MEIKIN: variants seen among roughly 807,000 people sequenced by gnomAD.
The protein encoded by MEIKIN is meiosis-specific kinetochore protein.
chr5:131,938,742 A>G (rs1295632921), intron 4 of MEIKIN, among the ~76,000 whole-genome samples: 2 of 152,196 alleles, frequency 1.3e-5, no homozygotes. Context: ...ATATTAATGA[A>G]ACTGTGGCTT....
chr5:131,894,312 T>C (rs890403345), intron 8 of MEIKIN, among the ~76,000 whole-genome samples: 30 of 152,346 alleles, frequency 2.0e-4, no homozygotes, highest in Non-Finnish European at 4.1e-4. Context: ...CCTTGTAGTA[T>C]AGTTTGAAGT....
intron 11 of MEIKIN, among the ~76,000 whole-genome samples, chr5:131,830,903 G>GT (rs1316525412): frequency 0.032 from 4,581 of 143,760 alleles, 182 homozygotes; most frequent in African/African-American, 0.097. Context: ...GAGGACTTTG[G>GT]TTTTTTTTTT....
At chr5:131,860,727 G>T (rs532185440) in intron 9 of MEIKIN, among the ~76,000 whole-genome samples, 1 of 140,302 alleles carries the variant, frequency 7.1e-6, no homozygotes, top group Non-Finnish European at 1.5e-5. Context: ...GATTACAGGC[G>T]TGAGCCACCA....
chr5:131,927,013 A>G (rs1751598363), intron 5 of MEIKIN, among the ~76,000 whole-genome samples: 1 of 151,828 alleles, frequency 6.6e-6, no homozygotes, highest in Non-Finnish European at 1.5e-5. Flanking sequence ...TTTCTGCTCT[A>G]AATTTTATTT....
intron 8 of MEIKIN, among the ~76,000 whole-genome samples, chr5:131,890,574 A>AT (rs1393334293): frequency 1.3e-5 from 2 of 152,056 alleles, no homozygotes; most frequent in Non-Finnish European, 2.9e-5. Context: ...CTCCTTTGTC[A>AT]TTTTTTATTG....
chr5:131,877,919 T>A (rs1400403548), intron 9 of MEIKIN, among the ~76,000 whole-genome samples: 1 of 152,240 alleles, frequency 6.6e-6, no homozygotes, highest in Non-Finnish European at 1.5e-5. Flanking sequence ...GATGAAATCG[T>A]GTGCCATCCC....
chr5:131,944,764 A>G lies in MEIKIN; in HGVS notation c.201-12T>C. The G allele has an allele frequency of 2.5e-6, 1 of 399,058 alleles. No homozygotes were observed. The highest frequency in any genetic ancestry group is 4.4e-6 in the Non-Finnish European group (1 of 226,074). The allele number at this position is 399,058 out of a possible 1,614,324, so 24.7% of individuals were successfully genotyped here. A position where few individuals can be genotyped will look rare whatever the true frequency, so the allele number is the denominator to read the frequency against. ...CTCCTAAGCGAGGGCTAACAAAGAG[A>G]CAACGCAATTAGTTTGCACCATCTG... On this transcript the variant is annotated splice_polypyrimidine_tract_variant and intron_variant, in intron 2 of 12. Transcript: ENST00000442687.
intron 12 of MEIKIN, among the ~76,000 whole-genome samples, 175 bp downstream of exon 12, chr5:131,818,565 C>CATG (rs1441798908): frequency 6.6e-6 from 1 of 152,158 alleles, no homozygotes; most frequent in African/African-American, 2.4e-5. Context: ...GGATTATAGG[C>CATG]ATGAGCCACT....
At chr5:131,811,612 CTTCT>C (rs781375703) in intron 12 of MEIKIN, among the ~76,000 whole-genome samples, 634 of 13,760 alleles carry the variant, frequency 0.046, 2 homozygotes, top group South Asian at 0.15. Context: ...TAGCCAACTT[CTTCT>C]TTTTTTTTTT....
chr5:131,823,604 T>C (rs1749559795), intron 11 of MEIKIN, among the ~76,000 whole-genome samples: 1 of 152,130 alleles, frequency 6.6e-6, no homozygotes. Context: ...TATGTTATCT[T>C]GAATTTCATT....
intron 8 of MEIKIN, among the ~76,000 whole-genome samples, chr5:131,884,492 T>C (rs1387276204): frequency 6.6e-6 from 1 of 151,960 alleles, no homozygotes; most frequent in Non-Finnish European, 1.5e-5. Context: ...TTTCATCACC[T>C]GCTGATTAAA....
rs571690989 is a variant in MEIKIN, at chr5:131,833,758, T to C, written c.976-14895A>G. Among the ~76,000 whole-genome samples the C allele has an allele frequency of 4.5e-4, 69 of 152,246 alleles. 1 individual carries two copies. In the South Asian group the frequency reaches 0.014, roughly 31 times the overall value. ...CAATGGGTCCCTCCCAGACAACATA[T>C]GGGAATTCTGAGACATACAATTCAA... On this transcript the variant is annotated intron_variant, in intron 11 of 12. Transcript: ENST00000442687.
chr5:131,864,029 C>T (rs1220634710), intron 9 of MEIKIN, among the ~76,000 whole-genome samples: 1 of 152,056 alleles, frequency 6.6e-6, no homozygotes, highest in Non-Finnish European at 1.5e-5. Flanking sequence ...AGTAATTCAC[C>T]ATTCCTTTGA....
In MEIKIN at chr5:131,807,144, TTCATA is replaced by T. The variant is rs1772860418; in HGVS notation, c.*87_*91del. On this transcript the variant is annotated 3_prime_UTR_variant, in exon 13 of 13. Coordinates refer to ENST00000442687, the MANE Select transcript of MEIKIN (RefSeq NM_001303622.2). The stretch of plus-strand genomic sequence containing the variant: ...AACTGGAGAATTTTTAATTTTTAAT[TTCATA>T]TAATTTCAGGCAGACATTCTGCTTT... The T allele has an allele frequency of 2.5e-6, 1 of 398,050 alleles. No individual in the cohort carries two copies. The highest frequency in any genetic ancestry group is 2.1e-5 in the African/African-American group (1 of 48,602). 24.7% of individuals were successfully genotyped at this position (398,050 alleles called of 1,614,324 possible).
At chr5:131,846,111 G>A (rs1238610839) in intron 11 of MEIKIN, among the ~76,000 whole-genome samples, 2 of 152,136 alleles carry the variant, frequency 1.3e-5, no homozygotes, top group Non-Finnish European at 2.9e-5. Flanking sequence ...AGAAGGCAGT[G>A]GGCTTATAAA....
intron 11 of MEIKIN, among the ~76,000 whole-genome samples, chr5:131,842,794 T>G (rs1749938756): frequency 6.6e-6 from 1 of 152,252 alleles, no homozygotes; most frequent in Admixed American, 6.5e-5. Context: ...CATTTTATGC[T>G]TTGGATATCA....
At chr5:131,929,636 A>G (rs1751648843) in intron 5 of MEIKIN, among the ~76,000 whole-genome samples, 1 of 152,162 alleles carries the variant, frequency 6.6e-6, no homozygotes, top group East Asian at 1.9e-4. Context: ...TGTCACCCAG[A>G]TAGTGAGCAT....
rs562557105 is a variant in MEIKIN, at chr5:131,819,861, C to T, written c.976-998G>A. Among the ~76,000 whole-genome samples the T allele has an allele frequency of 1.6e-3, 226 of 138,900 alleles. 1 individual carries two copies. The highest frequency in any genetic ancestry group is 5.4e-3 in the African/African-American group (197 of 36,336). The allele number at this position is 138,900 out of a possible 152,430, so 91.1% of individuals were successfully genotyped here. A position where few individuals can be genotyped will look rare whatever the true frequency, so the allele number is the denominator to read the frequency against. ...CGGGATCTCGGCTCACTGCAAGCTC[C>T]GCCTCCCGGGTTCACGCCATTCTCC... is the stretch of plus-strand genomic sequence containing the variant. On this transcript the variant is annotated intron_variant, in intron 11 of 12. Transcript: ENST00000442687.
rs548895223 is a variant in MEIKIN, at chr5:131,836,231, CT to C, written c.975+15032del. On this transcript the variant is annotated intron_variant, in intron 11 of 12. Coordinates refer to ENST00000442687, the MANE Select transcript of MEIKIN (RefSeq NM_001303622.2). ...TTCCTGCAAAAGACATGATCTCATTCTTTTTTTATGGCTGCATAGTATTCCA... is the reference window on the plus strand; with the variant it reads ...TTCCTGCAAAAGACATGATCTCATTCTTTTTTATGGCTGCATAGTATTCCA... Among the ~76,000 whole-genome samples the C allele has an allele frequency of 8.8e-3, 1,347 of 152,220 alleles. 23 individuals are homozygous for C. Among genetic ancestry groups the C allele is most frequent in the African/African-American group, 0.031 (1,278 of 41,514 alleles).
Sources: gnomAD v4.1 joint callset for allele counts (sites outside exome capture counted in the v4.1 genomes callset) on GRCh38, gnomAD v4.1.1 for gene constraint, MANE v1.5 for transcripts, NCBI Gene and HGNC (gene_info 2026-07-23, HGNC 2026-07-21) for gene names.